AGPS: variants seen among roughly 807,000 people sequenced by gnomAD.
AGPS encodes alkylglycerone phosphate synthase, also known as alkyldihydroxyacetonephosphate synthase, peroxisomal.
AGPS carries 26 observed loss-of-function variants against 90.7 expected under a neutral mutation model. The observed-to-expected ratio is 0.29, with a 90% CI of 0.21 to 0.40. AGPS has a LOEUF of 0.40. Among genes scored for constraint, AGPS ranks in the 10% least tolerant of loss-of-function variants. The pLI, the probability that AGPS is intolerant of heterozygous loss-of-function variation, is 1.00. For synonymous variants in AGPS, 294 were observed against 285.3 expected (o/e 1.03, Z -0.31); for missense variants, 540 against 816.1 (o/e 0.66, Z 4.12).
chr2:177,411,124 T>C (rs1302562112), intron 1 of AGPS, among the ~76,000 whole-genome samples: 1 of 152,172 alleles, frequency 6.6e-6, no homozygotes, highest in Non-Finnish European at 1.5e-5. Context: ...TTCTGATCTC[T>C]ATTATAAAAA....
intron 12 of AGPS, among the ~76,000 whole-genome samples, chr2:177,493,897 G>A (rs1688339704): frequency 6.6e-6 from 1 of 152,200 alleles, no homozygotes. Context: ...AATGGAGATA[G>A]AGAACGGATG....
chr2:177,535,699 T>C (rs1182237026), intron 19 of AGPS, among the ~76,000 whole-genome samples: 1 of 152,214 alleles, frequency 6.6e-6, no homozygotes, highest in Non-Finnish European at 1.5e-5. Context: ...TACCTGTATA[T>C]GTATCCTGTG....
At chr2:177,486,700 A>T (rs1333222986) in intron 11 of AGPS, among the ~76,000 whole-genome samples, 1 of 53,644 alleles carries the variant, frequency 1.9e-5, no homozygotes, top group African/African-American at 4.1e-5. Flanking sequence ...AAGAACATAC[A>T]TGACTGTTCA....
At chr2:177,505,059 A>G (rs1468225660) in intron 14 of AGPS, among the ~76,000 whole-genome samples, 1 of 152,034 alleles carries the variant, frequency 6.6e-6, no homozygotes, top group East Asian at 1.9e-4. Context: ...TTTGTCTCTC[A>G]TTTAAATCAT....
chr2:177,472,596 T>G (rs1343818256), intron 10 of AGPS, among the ~76,000 whole-genome samples: 2 of 152,152 alleles, frequency 1.3e-5, no homozygotes, highest in Non-Finnish European at 2.9e-5. Flanking sequence ...CTTTTGTAGT[T>G]GTTTTGTTTA....
chr2:177,447,709 A>G (rs1686819045), intron 8 of AGPS, among the ~76,000 whole-genome samples: 1 of 151,818 alleles, frequency 6.6e-6, no homozygotes, highest in Admixed American at 6.6e-5. Flanking sequence ...CTACTAGTTC[A>G]TTTCCCTAAA....
At chr2:177,453,647 T>C (rs2121430) in intron 8 of AGPS, among the ~76,000 whole-genome samples, 91,357 of 148,922 alleles carry the variant, frequency 0.61, 30,458 homozygotes, top group Non-Finnish European at 0.72. Flanking sequence ...TGTTCTTCTT[T>C]ATAACTATAA....
chr2:177,443,330 C>A (rs909716394), intron 7 of AGPS, among the ~76,000 whole-genome samples: 1 of 152,130 alleles, frequency 6.6e-6, no homozygotes, highest in African/African-American at 2.4e-5. Flanking sequence ...GCTCTTAAGT[C>A]TCACTTTATG....
At chr2:177,463,235 G>A (rs1017549429) in intron 9 of AGPS, among the ~76,000 whole-genome samples, 9 of 152,158 alleles carry the variant, frequency 5.9e-5, no homozygotes, top group Non-Finnish European at 1.3e-4. Context: ...TCAATGATTA[G>A]TTGTGTGAAT....
At position 177,442,828 on chromosome 2, in the gene AGPS, C is replaced by CAA. The variant is rs71007994; in HGVS notation, c.789+361_789+362dup. On this transcript the variant is annotated intron_variant, in intron 7 of 19. Transcript: ENST00000264167. ...CACCACTGCACTCCAGCCTGGGTGA[C>CAA]AAAAAAAAAAAAAAAAAAAAGAATC... Among the ~76,000 whole-genome samples, 473 of 99,362 alleles carry CAA rather than the reference C, an allele frequency of 4.8e-3. 4 individuals are homozygous for CAA. Among genetic ancestry groups the CAA allele is most frequent in the East Asian group, 0.037 (124 of 3,368 alleles). The allele number at this position is 99,362 out of a possible 152,430, so 65.2% of individuals were successfully genotyped here. A position where few individuals can be genotyped will look rare whatever the true frequency, so the allele number is the denominator to read the frequency against.
chr2:177,392,980 C>T lies in AGPS; in HGVS notation c.191C>T (p.Ala64Val). 3 of 1,550,006 alleles carry T rather than the reference C, an allele frequency of 1.9e-6. No homozygotes were observed. Among genetic ancestry groups the T allele is most frequent in the Non-Finnish European group, 2.6e-6 (3 of 1,146,606 alleles). Residue 64 changes from alanine (A) to valine (V), a missense_variant, in exon 1 of 20, where the codon GCG (alanine) becomes GTG (valine). By Grantham distance (64) the Ala-to-Val change is moderately conservative (BLOSUM62 0). This residue lies in a region of AGPS where 135 missense variants were observed against 124.0 expected (regional missense o/e 1.09). Coordinates refer to ENST00000264167, the MANE Select transcript of AGPS (RefSeq NM_003659.4). Reference protein sequence around the residue: ...STNECKARRAASAATAAPTAT... With the variant: ...STNECKARRAVSAATAAPTAT... Reference sequence around the variant, plus strand: ...AATGAGTGCAAAGCGCGGAGAGCCGCGTCGGCGGCCACGGCAGCGCCCACG... The same window carrying T: ...AATGAGTGCAAAGCGCGGAGAGCCGTGTCGGCGGCCACGGCAGCGCCCACG...
chr2:177,459,967 A>G (rs939639223), intron 8 of AGPS, among the ~76,000 whole-genome samples: 6 of 152,270 alleles, frequency 3.9e-5, no homozygotes, highest in Non-Finnish European at 7.3e-5. Flanking sequence ...CATATACACC[A>G]TGGAATACTA....
intron 19 of AGPS, 120 bp downstream of exon 19, chr2:177,523,925 T>C: frequency 1.2e-6 from 1 of 861,234 alleles, no homozygotes; most frequent in Non-Finnish European, 1.9e-6. Context: ...TTCTTTAAAG[T>C]TTCTATGTCT....
intron 3 of AGPS, 39 bp from the exon 4 acceptor site, chr2:177,436,725 G>T (rs1446199769): frequency 1.9e-6 from 3 of 1,600,670 alleles, no homozygotes; most frequent in South Asian, 2.2e-5. Flanking sequence ...AAAATTCGTT[G>T]TCTAAAAATA....
intron 1 of AGPS, among the ~76,000 whole-genome samples, chr2:177,413,340 T>G (rs1196778621): frequency 1.3e-5 from 2 of 152,236 alleles, no homozygotes; most frequent in Non-Finnish European, 2.9e-5. Flanking sequence ...ACATTTGTAT[T>G]TTCTTTGTCT....
intron 1 of AGPS, among the ~76,000 whole-genome samples, chr2:177,401,005 G>T (rs1379955338): frequency 6.6e-6 from 1 of 152,154 alleles, no homozygotes; most frequent in East Asian, 1.9e-4. Context: ...ACTATGGAGT[G>T]GATATTTTGC....
chr2:177,504,713 T>G (rs1198603440), intron 14 of AGPS, among the ~76,000 whole-genome samples: 1 of 152,118 alleles, frequency 6.6e-6, no homozygotes, highest in East Asian at 1.9e-4. Context: ...GGTGATAAGA[T>G]AAACAATTTT....
chr2:177,408,184 G>C (rs1412184147), intron 1 of AGPS, among the ~76,000 whole-genome samples: 2 of 152,164 alleles, frequency 1.3e-5, no homozygotes, highest in African/African-American at 4.8e-5. Flanking sequence ...GTTTTAGGCT[G>C]ATTGTCAGTA....
intron 11 of AGPS, among the ~76,000 whole-genome samples, chr2:177,483,950 C>G (rs2105695558): frequency 6.6e-6 from 1 of 150,724 alleles, no homozygotes; most frequent in East Asian, 1.9e-4. Flanking sequence ...AGTAAAAGAA[C>G]TTGCAGAGCC....
Sources: gnomAD v4.1 joint callset for allele counts (sites outside exome capture counted in the v4.1 genomes callset) on GRCh38, gnomAD v4.1.1 for gene constraint, gnomAD v4.1.1 regional missense constraint, MANE v1.5 for transcripts, NCBI Gene and HGNC (gene_info 2026-07-23, HGNC 2026-07-21) for gene names.